The following CELF2 variants were observed in gnomAD, a reference collection of about 807,000 sequenced individuals.
CELF2 encodes CUGBP Elav-like family member 2, also known as CUG triplet repeat RNA-binding protein 2.
A neutral mutation model predicts 62.6 loss-of-function variants in CELF2; 8 were observed. That is an observed-to-expected ratio of 0.13 (90% CI 0.07 to 0.23). The LOEUF (loss-of-function observed/expected upper bound fraction) is 0.23, where lower values mean the gene tolerates loss of function less well. Ranked by LOEUF, CELF2 falls within the 10% of genes least tolerant of loss-of-function variation. The pLI is 1.00. For synonymous variants in CELF2, 258 were observed against 250.0 expected (o/e 1.03, Z -0.30); for missense variants, 333 against 671.0 (o/e 0.50, Z 5.56).
intron 1 of CELF2, among the ~76,000 whole-genome samples, chr10:11,009,181 A>C (rs1368999744): frequency 6.6e-6 from 1 of 152,144 alleles, no homozygotes; most frequent in African/African-American, 2.4e-5. Flanking sequence ...CATTGGAAAG[A>C]GAGTGTCCAA....
chr10:11,242,703 T>C lies in CELF2; in HGVS notation c.355-6450T>C, dbSNP rs2074334510. 6.6e-6 allele frequency among the ~76,000 whole-genome samples: 1 copy of C among 152,166 alleles called. No homozygotes were observed. The highest frequency in any genetic ancestry group is 1.5e-5 in the Non-Finnish European group (1 of 68,030). ...CTTGTGGGAAGAATCGAAGGTCAGCTTACTCAGGAGTGAGGGGCATCAGGT... is the reference window on the plus strand; with the variant it reads ...CTTGTGGGAAGAATCGAAGGTCAGCCTACTCAGGAGTGAGGGGCATCAGGT... On this transcript the variant is annotated intron_variant, in intron 3 of 12. Coordinates refer to ENST00000633077, the MANE Select transcript of CELF2 (RefSeq NM_001326342.2). This position sits in a 1 kb window ranked among gnomAD's most constrained non-coding sequence, Gnocchi z 4.8.
chr10:10,495,867 T>C, the CELF2 span, among the ~76,000 whole-genome samples: 1 of 152,228 alleles, frequency 6.6e-6, no homozygotes, highest in African/African-American at 2.4e-5. Flanking sequence ...TATCCACCTG[T>C]ACCAGAAAAC....
intron 9 of CELF2, among the ~76,000 whole-genome samples, chr10:11,291,741 G>A (rs1002391245): frequency 1.3e-5 from 2 of 152,034 alleles, no homozygotes; most frequent in Admixed American, 6.5e-5. Flanking sequence ...TGTTTTTGAC[G>A]ACTGTGTCTC....
At chr10:10,655,241 C>T in the CELF2 span, among the ~76,000 whole-genome samples, 1 of 142,182 alleles carries the variant, frequency 7.0e-6, no homozygotes, top group Non-Finnish European at 1.6e-5. Context: ...AATGGAAGAA[C>T]ATTCCATGCT....
chr10:10,781,835 T>C, the CELF2 span, among the ~76,000 whole-genome samples: 302 of 152,304 alleles, frequency 2.0e-3, no homozygotes, highest in African/African-American at 6.8e-3. Flanking sequence ...CATGCCTGTA[T>C]ACAGTCACCT....
intron 3 of CELF2, among the ~76,000 whole-genome samples, chr10:11,235,167 A>G (rs1454373823): frequency 6.8e-6 from 1 of 147,014 alleles, no homozygotes; most frequent in Admixed American, 6.8e-5. Flanking sequence ...AAAGACAAAA[A>G]AAACAAAGCA....
the CELF2 span, among the ~76,000 whole-genome samples, chr10:10,780,582 G>A: frequency 6.6e-6 from 1 of 152,164 alleles, no homozygotes; most frequent in African/African-American, 2.4e-5. Flanking sequence ...CTGGGTTCAA[G>A]CGATTCTCCT....
In CELF2 at chr10:10,842,169, G is replaced by A. The variant is rs536944306; in HGVS notation, c.53+43352G>A. Among the ~76,000 whole-genome samples, 7 of 152,090 alleles carry A rather than the reference G, an allele frequency of 4.6e-5. No homozygotes were observed. In the East Asian group the frequency reaches 1.4e-3, roughly 29 times the overall value. On this transcript the variant is annotated intron_variant, in intron 1 of 13. Transcript: ENST00000636488. ...ATCTTGTAATCTTGCTATAGTTACTGATTACTTCCAGCATATTTTTGTAGA... is the reference window on the plus strand; with the variant it reads ...ATCTTGTAATCTTGCTATAGTTACTAATTACTTCCAGCATATTTTTGTAGA...
intron 1 of CELF2, among the ~76,000 whole-genome samples, chr10:11,100,607 T>G (rs1450991184): frequency 6.6e-6 from 1 of 151,976 alleles, no homozygotes; most frequent in African/African-American, 2.4e-5. Context: ...AAGATGATAC[T>G]CAACCCATCT....
In CELF2 at chr10:11,325,843, G is replaced by A. The variant is rs770084258; in HGVS notation, c.1302G>A (p.Glu434=). ...TTTTTTTTTCCTCCTTAGGTCCAGA[G>A]GGGGCAAACCTCTTTATTTACCACC... ...SAAGSQKEGP[E]GANLFIYHLP... Residue 434 remains glutamate (E), a synonymous_variant, in exon 12 of 13, where the codon GAG becomes GAA. Transcript: ENST00000633077. The A allele has an allele frequency of 1.2e-6, 2 of 1,612,090 alleles. No individual in the cohort carries two copies. The highest frequency in any genetic ancestry group is 4.5e-5 in the East Asian group (2 of 44,850).
At chr10:11,127,825 G>A (rs1471373252) in intron 1 of CELF2, among the ~76,000 whole-genome samples, 3 of 152,104 alleles carry the variant, frequency 2.0e-5, no homozygotes, top group Non-Finnish European at 4.4e-5. Context: ...CTCCCATTCT[G>A]TAGGTTGTCT....
At chr10:10,721,489 A>T in the CELF2 span, among the ~76,000 whole-genome samples, 1 of 152,254 alleles carries the variant, frequency 6.6e-6, no homozygotes, top group Admixed American at 6.5e-5. Flanking sequence ...TTGGAACAAA[A>T]TAATACTTCA....
the CELF2 span, among the ~76,000 whole-genome samples, chr10:10,789,537 A>G: frequency 1.3e-5 from 2 of 152,312 alleles, no homozygotes; most frequent in Non-Finnish European, 1.5e-5. Context: ...TTTTTGATAC[A>G]TGCTACCAAA....
chr10:11,071,416 A>G (rs962131189), intron 1 of CELF2: 3 of 152,262 alleles, frequency 2.0e-5, no homozygotes, highest in African/African-American at 7.2e-5. Context: ...TCCCTGCCAG[A>G]GTCGAACATC....
chr10:10,510,121 C>T, the CELF2 span, among the ~76,000 whole-genome samples: 3 of 152,138 alleles, frequency 2.0e-5, no homozygotes, highest in Non-Finnish European at 2.9e-5. Context: ...CCCATAATTG[C>T]CTTTAATATT....
At chr10:10,691,850 G>A in the CELF2 span, among the ~76,000 whole-genome samples, 3 of 147,672 alleles carry the variant, frequency 2.0e-5, no homozygotes, top group Non-Finnish European at 4.5e-5. Flanking sequence ...TTTTTGATGG[G>A]GTTGTTTGTT....
rs2053869281 is a variant in CELF2 at position 10,995,605 on chromosome 10, T to C, written c.89+75606T>C. The stretch of plus-strand genomic sequence containing the variant: ...AGACATAGGTGGATCTCATGGGCAT[T>C]ATTATGTGGCTTGGACTTCATCTTA... On this transcript the variant is annotated intron_variant, in intron 2 of 13. Transcript: ENST00000636488. The surrounding 1 kb of genome is among the most constrained non-coding windows in gnomAD (Gnocchi z 4.7). Among the ~76,000 whole-genome samples the C allele has an allele frequency of 1.3e-5, 2 of 152,174 alleles. No individual in the cohort carries two copies. The highest frequency in any genetic ancestry group is 4.8e-5 in the African/African-American group (2 of 41,440).
chr10:11,217,464 T>G lies in CELF2; in HGVS notation c.311T>G (p.Leu104Arg), dbSNP rs773596608. The change falls in exon 3 of 13, where the codon CTT (leucine) becomes CGT (arginine). Residue 104 changes from leucine (L) to arginine (R), a missense_variant. Leu to Arg is a moderately radical substitution (Grantham distance 102). Transcript: ENST00000633077. The surrounding 1 kb of genome is among the most constrained non-coding windows in gnomAD (Gnocchi z 5.6). ...ACATTTTATACAAGAAAAGCTGCAC[T>G]TGAGGCCCAGAATGCACTGCACAAT... ...FVTFYTRKAA[L>R]EAQNALHNIK... The G allele has an allele frequency of 6.2e-7, 1 of 1,613,472 alleles. No homozygotes were observed. Among genetic ancestry groups the G allele is most frequent in the Non-Finnish European group, 8.5e-7 (1 of 1,179,538 alleles).
chr10:11,142,839 A>G (rs2061585106), intron 1 of CELF2, among the ~76,000 whole-genome samples: 1 of 152,136 alleles, frequency 6.6e-6, no homozygotes, highest in South Asian at 2.1e-4. Context: ...TTAGGAAGAG[A>G]TTCTGGTAGA....
Sources: gnomAD v4.1 joint callset for allele counts (sites outside exome capture counted in the v4.1 genomes callset) on GRCh38, gnomAD v4.1.1 for gene constraint, Gnocchi (gnomAD v3.1) non-coding constraint, MANE v1.5 for transcripts, NCBI Gene and HGNC (gene_info 2026-07-23, HGNC 2026-07-21) for gene names.